Variants in CNTNAP3 observed in about 807,000 individuals in gnomAD.
The protein encoded by CNTNAP3 is contactin associated protein family member 3.
CNTNAP3 carries 36 observed loss-of-function variants against 92.1 expected under a neutral mutation model. The ratio of observed to expected loss-of-function variants is 0.39; its 90% CI spans 0.30 to 0.52. The LOEUF is 0.52. CNTNAP3 is among the 20% of genes least tolerant of loss of function. The pLI, the probability that CNTNAP3 is intolerant of heterozygous loss-of-function variation, is 0.76. For synonymous variants in CNTNAP3, 232 were observed against 422.3 expected, an observed-to-expected ratio of 0.55 and a Z score of 5.53; for missense variants, 534 against 1,069.6, an observed-to-expected ratio of 0.50 and a Z score of 6.98.
chr9:39,153,196 T>C (rs776167906), intron 9 of CNTNAP3, among the ~76,000 whole-genome samples: 1 of 2,046 alleles, frequency 4.9e-4, no homozygotes, highest in Non-Finnish European at 1.1e-3. Flanking sequence ...CTGTGTGTTA[T>C]TGCAGTGACA....
chr9:39,116,425 G>A (rs1318096743), intron 14 of CNTNAP3, among the ~76,000 whole-genome samples: 1 of 151,914 alleles, frequency 6.6e-6, no homozygotes, highest in Non-Finnish European at 1.5e-5. Flanking sequence ...TTTGAAGGTC[G>A]CTGTTTGTCT....
chr9:39,103,581 C>T (rs928407831), intron 16 of CNTNAP3, 163 bp downstream of exon 16: 21 of 810,240 alleles, frequency 2.6e-5, no homozygotes, highest in Non-Finnish European at 3.6e-5. Context: ...AATCCTCTCT[C>T]CCTCTCTCAA....
Position 39,083,721 on chromosome 9 carries a change from A to C in CNTNAP3, c.3442+2015T>G, listed in dbSNP as rs139915873. 9.2e-4 allele frequency among the ~76,000 whole-genome samples: 140 copies of C among 151,724 alleles called. No homozygotes were observed. In the East Asian group the frequency reaches 0.022, roughly 24 times the overall value. ...AGCAAAACAGAAAGAATACAATAAT[A>C]CCAAAGTATCTAAAAACAAATCTTA... On this transcript the variant is annotated intron_variant, in intron 21 of 23. Transcript: ENST00000297668.
chr9:39,126,197 C>T (rs947061326), intron 13 of CNTNAP3, among the ~76,000 whole-genome samples: 1 of 152,076 alleles, frequency 6.6e-6, no homozygotes, highest in African/African-American at 2.4e-5. Flanking sequence ...AGAAAGAGAG[C>T]TGAAATATCC....
At position 39,068,270 on chromosome 9, in the gene CNTNAP3, G is replaced by T. The variant is rs2118329339; in HGVS notation, c.*5620C>A. On this transcript the variant is annotated 3_prime_UTR_variant, in exon 24 of 24. Coordinates refer to ENST00000297668, the MANE Select transcript of CNTNAP3 (RefSeq NM_033655.5). ...AAAAAAAAAAAAAAAAAAAAAATTA[G>T]CTGGGCATGTTGGCTTGTGCCTGTA... Among the ~76,000 whole-genome samples, 2 of 133,546 alleles carry T rather than the reference G, an allele frequency of 1.5e-5. No individual in the cohort carries two copies. 87.6% of individuals were successfully genotyped at this position (133,546 alleles called of 152,430 possible).
intron 13 of CNTNAP3, among the ~76,000 whole-genome samples, chr9:39,129,337 C>A (rs577035468): frequency 4.6e-5 from 7 of 152,252 alleles, no homozygotes; most frequent in African/African-American, 1.7e-4. Context: ...CAAGTAAGTT[C>A]AACCAATTTT....
chr9:39,132,915 C>A lies in CNTNAP3; in HGVS notation c.2080+17G>T, dbSNP rs752070599. ...CCGGCCCCGTGAACCCCTGTAGCCT[C>A]CAGGAGTGGCGCTTACCTCGTGAGT... On this transcript the variant is annotated intron_variant, in intron 13 of 23. Transcript: ENST00000297668. The A allele has an allele frequency of 7.1e-6, 11 of 1,538,818 alleles. No individual in the cohort carries two copies. The African/African-American group carries it at 1.5e-4, about 21-fold the overall frequency.
At chr9:39,140,400 T>C (rs1477317673) in intron 12 of CNTNAP3, 119 bp downstream of exon 12, 7 of 1,427,180 alleles carry the variant, frequency 4.9e-6, no homozygotes, top group African/African-American at 1.5e-5. Flanking sequence ...TAAATATATA[T>C]TTAATGCTTC....
At position 39,078,740 on chromosome 9, in the gene CNTNAP3, G is replaced by A. The variant is rs191647909; in HGVS notation, c.3623C>T (p.Ala1208Val). The change falls in exon 22 of 24, where the codon GCG (alanine) becomes GTG (valine). Residue 1208 changes from alanine (A) to valine (V), a missense_variant. Physicochemically the swap from Ala to Val is moderately conservative, Grantham distance 64 (BLOSUM62 0). Transcript: ENST00000297668. ...APMARCAAGA[A>V]SGSPARELAP... is the part of the protein sequence containing the mutation. ...CAGTTCCCGCGCCGGGGAGCCGGAC[G>A]CCGCCCCCGCTGCGCAGCGGGCCAT... 35 of 1,489,816 alleles carry A rather than the reference G, an allele frequency of 2.3e-5. No individual in the cohort carries two copies. The highest frequency in any genetic ancestry group is 1.7e-4 in the African/African-American group (12 of 69,468). 92.3% of individuals were successfully genotyped at this position (1,489,816 alleles called of 1,614,324 possible). A position where few individuals can be genotyped will look rare whatever the true frequency, so the allele number is the denominator to read the frequency against.
chr9:39,075,961 A>G (rs1825750794), intron 23 of CNTNAP3, among the ~76,000 whole-genome samples: 1 of 152,302 alleles, frequency 6.6e-6, no homozygotes, highest in South Asian at 2.1e-4. Flanking sequence ...CGTACATTTA[A>G]AGTACTTCAC....
At chr9:39,170,349 G>A (rs1173281583) in intron 8 of CNTNAP3, among the ~76,000 whole-genome samples, 1 of 86,036 alleles carries the variant, frequency 1.2e-5, no homozygotes, top group Non-Finnish European at 1.9e-5. Flanking sequence ...CTTTTTTTGA[G>A]TATGATTACC....
chr9:39,138,498 G>T (rs1821496170), intron 12 of CNTNAP3, among the ~76,000 whole-genome samples: 1 of 152,240 alleles, frequency 6.6e-6, no homozygotes, highest in South Asian at 2.1e-4. Context: ...AACACCAGTA[G>T]CTTAGGTGAA....
chr9:39,072,931 T>A lies in CNTNAP3; in HGVS notation c.*959A>T. ...ATCTTGGGGAAGTAAGTTAGGATGA[T>A]GTTTCATTCACGTCTTAATGATATA... On this transcript the variant is annotated 3_prime_UTR_variant, in exon 24 of 24. Transcript: ENST00000297668. 1 of 152,766 alleles carries A rather than the reference T, an allele frequency of 6.5e-6. No individual in the cohort carries two copies. The highest frequency in any genetic ancestry group is 1.5e-5 in the Non-Finnish European group (1 of 68,064). The allele number at this position is 152,766 out of a possible 1,614,324, so 9.5% of individuals were successfully genotyped here. A position where few individuals can be genotyped will look rare whatever the true frequency, so the allele number is the denominator to read the frequency against.
intron 16 of CNTNAP3, 129 bp downstream of exon 16, chr9:39,103,615 A>G: frequency 8.5e-7 from 1 of 1,171,562 alleles, no homozygotes; most frequent in Non-Finnish European, 1.2e-6. Flanking sequence ...ACCTAAAATC[A>G]TAGAAGTTTA....
chr9:39,112,004 C>T (rs1389636635), intron 14 of CNTNAP3, among the ~76,000 whole-genome samples: 1 of 150,702 alleles, frequency 6.6e-6, no homozygotes, highest in Non-Finnish European at 1.5e-5. Context: ...TATCAGACTT[C>T]CTCAAAACTT....
intron 23 of CNTNAP3, among the ~76,000 whole-genome samples, chr9:39,075,996 C>T (rs1825751601): frequency 6.6e-6 from 1 of 152,304 alleles, no homozygotes; most frequent in Non-Finnish European, 1.5e-5. Flanking sequence ...ATATCTTCAG[C>T]CAGTCCCTAT....
intron 13 of CNTNAP3, among the ~76,000 whole-genome samples, chr9:39,120,594 C>T (rs1242360591): frequency 6.6e-6 from 1 of 152,054 alleles, no homozygotes; most frequent in Admixed American, 6.6e-5. Flanking sequence ...GGCGTGAACC[C>T]GGGAGGCGGA....
intron 9 of CNTNAP3, among the ~76,000 whole-genome samples, chr9:39,155,638 G>A (rs368635949): frequency 1.4e-5 from 2 of 147,038 alleles, no homozygotes; most frequent in African/African-American, 5.0e-5. Context: ...TTTTCATTTT[G>A]TGGTTTTTAA....
intron 13 of CNTNAP3, among the ~76,000 whole-genome samples, chr9:39,130,236 A>G (rs1308530883): frequency 6.6e-6 from 1 of 152,086 alleles, no homozygotes; most frequent in Non-Finnish European, 1.5e-5. Context: ...CTGTAAACAA[A>G]CAACCCAGAT....
Sources: allele counts gnomAD v4.1 joint callset (sites outside exome capture counted in the v4.1 genomes callset), GRCh38; gene constraint gnomAD v4.1.1; transcripts MANE v1.5; gene names NCBI Gene and HGNC (gene_info 2026-07-23, HGNC 2026-07-21).